The following HERC1 variants were observed in gnomAD, a reference collection of about 807,000 sequenced individuals.
HERC1 encodes the protein HECT and RLD domain containing E3 ubiquitin protein ligase family member 1.
Under a neutral mutation model 554.3 loss-of-function variants are expected in HERC1, and 160 were observed. The observed-to-expected ratio is 0.29, with a 90% CI of 0.25 to 0.33. HERC1 has a LOEUF of 0.33. Ranked by LOEUF, HERC1 falls within the 10% of genes least tolerant of loss-of-function variation. The probability of loss-of-function intolerance (pLI) is 1.00; values close to 1 mark genes in which losing one functional copy is unlikely to be tolerated. For synonymous variants in HERC1, 2,175 were observed against 2,131.7 expected, an observed-to-expected ratio of 1.02 and a Z score of -0.56; for missense variants, 4,919 against 5,918.5, an observed-to-expected ratio of 0.83 and a Z score of 5.54.
intron 60 of HERC1, among the ~76,000 whole-genome samples, chr15:63,640,883 C>T (rs1390826600): frequency 3.9e-5 from 6 of 152,164 alleles, no homozygotes; most frequent in Non-Finnish European, 8.8e-5. Context: ...CTGCTCTTCT[C>T]ACTTTCCTCC....
rs2071098411 is a variant in HERC1, at chr15:63,674,480, T to C, written c.7708A>G (p.Met2570Val). 1.2e-6 allele frequency: 2 copies of C among 1,613,902 alleles called. No individual in the cohort carries two copies. The highest frequency in any genetic ancestry group is 1.7e-6 in the Non-Finnish European group (2 of 1,179,856). The change falls in exon 38 of 78, where the codon ATG becomes GTG. Residue 2570 changes from methionine to valine, a missense_variant. This residue lies in a region of HERC1 where 1,963 missense variants were observed against 2,228.6 expected (regional missense o/e 0.88). Transcript: ENST00000443617. ...RAALQFLMRH[M>V]VKRAVMRSPI... ...GACCGCATGACTGCTCGCTTCACCA[T>C]GTGTCGCATCAAGAACTGCAGGGCT...
At chr15:63,670,986 G>A (rs970872770) in intron 39 of HERC1, among the ~76,000 whole-genome samples, 2 of 152,048 alleles carry the variant, frequency 1.3e-5, no homozygotes, top group African/African-American at 4.8e-5. Context: ...CAGATCCCCT[G>A]AGGTTGGGAG....
intron 68 of HERC1, 70 bp from the exon 69 acceptor site, chr15:63,630,705 G>A (rs766995286): frequency 1.4e-6 from 2 of 1,471,266 alleles, no homozygotes; most frequent in Non-Finnish European, 1.8e-6. Flanking sequence ...TATATTTTCT[G>A]ATCAGTCATT....
At chr15:63,659,367 T>C (rs1206762763) in intron 47 of HERC1, among the ~76,000 whole-genome samples, 1 of 152,162 alleles carries the variant, frequency 6.6e-6, no homozygotes, top group African/African-American at 2.4e-5. Flanking sequence ...TTTTTCTGCC[T>C]CAGCCTCCTG....
chr15:63,660,742 A>C (rs2070312779), intron 46 of HERC1, among the ~76,000 whole-genome samples: 1 of 152,210 alleles, frequency 6.6e-6, no homozygotes, highest in Non-Finnish European at 1.5e-5. Flanking sequence ...CACCTAATAG[A>C]AATTAATATT....
Position 63,634,824 on chromosome 15 carries a change from T to A in HERC1, c.12479A>T (p.Asn4160Ile), listed in dbSNP as rs756920435. 2 of 1,613,282 alleles carry A rather than the reference T, an allele frequency of 1.2e-6. No homozygotes were observed. The highest frequency in any genetic ancestry group is 3.3e-5 in the Admixed American group (2 of 59,968). Residue 4160 changes from asparagine (N) to isoleucine (I), a missense_variant, in exon 66 of 78, where the codon AAT becomes ATT. This residue lies in a region of HERC1 where 410 missense variants were observed against 467.0 expected (regional missense o/e 0.88). Transcript: ENST00000443617. ...AAGACCCAGACGACCATAGTCACCA[T>A]TCCCAAAGGTGAACAGTTTGCCATC... is the stretch of plus-strand genomic sequence containing the variant. ...TSDGKLFTFG[N>I]GDYGRLGLGN...
chr15:63,645,520 G>A lies in HERC1; in HGVS notation c.11041C>T (p.Pro3681Ser), dbSNP rs2069292706. 6.2e-7 allele frequency: 1 copy of A among 1,611,738 alleles called. No individual in the cohort carries two copies. The highest frequency in any genetic ancestry group is 1.1e-5 in the South Asian group (1 of 90,688). The change falls in exon 56 of 78, where the codon CCA becomes TCA. Residue 3681 changes from proline (P) to serine (S), a missense_variant. By Grantham distance (74) the Pro-to-Ser change is moderately conservative. Coordinates refer to ENST00000443617, the MANE Select transcript of HERC1 (RefSeq NM_003922.4). Reference protein sequence around the residue: ...IVNGIAWCRLPGKGSKLQLLM... With the variant: ...IVNGIAWCRLSGKGSKLQLLM... ...AACTGCAACTTGGATCCTTTCCCTG[G>A]AAGGCGGCACCAAGCAATGCCATTT...
At chr15:63,690,028 G>A (rs1196223947) in intron 32 of HERC1, among the ~76,000 whole-genome samples, 1 of 151,994 alleles carries the variant, frequency 6.6e-6, no homozygotes, top group Non-Finnish European at 1.5e-5. Context: ...GCCAGGCATG[G>A]TAGCATGTGC....
intron 1 of HERC1, among the ~76,000 whole-genome samples, chr15:63,810,936 T>G (rs1265200548): frequency 6.6e-6 from 1 of 152,076 alleles, no homozygotes; most frequent in Non-Finnish European, 1.5e-5. Flanking sequence ...CTTGAATATG[T>G]GATATTAAAG....
Position 63,655,615 on chromosome 15 carries a change from CTTCTT to C in HERC1, c.10084+122_10084+126del. The C allele has an allele frequency of 1.2e-5, 8 of 660,600 alleles. No homozygotes were observed. In the South Asian group the frequency reaches 1.8e-4, roughly 15 times the overall value. The allele number at this position is 660,600 out of a possible 1,614,324, so 40.9% of individuals were successfully genotyped here. A position where few individuals can be genotyped will look rare whatever the true frequency, so the allele number is the denominator to read the frequency against. ...TACACAGTGAAAAAGTATCTATGCA[CTTCTT>C]TTATGTTCTAAACTTAAGAAACTCA... On this transcript the variant is annotated intron_variant, in intron 50 of 77. Coordinates refer to ENST00000443617, the MANE Select transcript of HERC1 (RefSeq NM_003922.4).
At chr15:63,720,102 C>CTTTTTTTTTTTTTTTTTTTTTTTTTT in intron 19 of HERC1, among the ~76,000 whole-genome samples, 1 of 20,960 alleles carries the variant, frequency 4.8e-5, no homozygotes, top group Non-Finnish European at 1.4e-4. Flanking sequence ...CTTTTTCTTC[C>CTTTTTTTTTTTTTTTTTTTTTTTTTT]CTTTTTTTTT....
At position 63,666,386 on chromosome 15, in the gene HERC1, G is replaced by A. The variant is rs780612896; in HGVS notation, c.8293C>T (p.Arg2765Trp). ...VPLLEMGFSL[R>W]QIAKAMEATG... ...GCTTCCATGGCTTTGGCAATCTGCC[G>A]AAGAGAGAACCCCATTTCCAGCAAG... Residue 2765 changes from arginine (R) to tryptophan (W), a missense_variant, in exon 41 of 78, where the codon CGG becomes TGG. Arg to Trp is a moderately radical substitution (Grantham distance 101). Around this residue, in one of 11 missense-constraint regions of HERC1, gnomAD observed 1,963 missense variants for 2,228.6 expected, o/e 0.88. Coordinates refer to ENST00000443617, the MANE Select transcript of HERC1 (RefSeq NM_003922.4). 9 of 1,613,150 alleles carry A rather than the reference G, an allele frequency of 5.6e-6. No homozygotes were observed. The highest frequency in any genetic ancestry group is 4.0e-5 in the African/African-American group (3 of 74,866).
chr15:63,720,532 G>A (rs1025210760), intron 19 of HERC1, among the ~76,000 whole-genome samples: 1 of 152,118 alleles, frequency 6.6e-6, no homozygotes, highest in Non-Finnish European at 1.5e-5. Context: ...CATCTCCAGA[G>A]ATAAAAATGT....
chr15:63,704,229 C>T (rs902647505), intron 25 of HERC1, among the ~76,000 whole-genome samples: 1 of 152,184 alleles, frequency 6.6e-6, no homozygotes, highest in Non-Finnish European at 1.5e-5. Context: ...AAAATATAAT[C>T]TCCTAAATGT....
At chr15:63,714,641 C>G (rs1450988860) in intron 22 of HERC1, among the ~76,000 whole-genome samples, 2 of 150,662 alleles carry the variant, frequency 1.3e-5, no homozygotes, top group African/African-American at 4.9e-5. Flanking sequence ...CCTCCACCCC[C>G]AGGTTCAAGC....
At chr15:63,686,997 T>C (rs372516618) in intron 33 of HERC1, among the ~76,000 whole-genome samples, 2 of 152,108 alleles carry the variant, frequency 1.3e-5, no homozygotes, top group East Asian at 3.9e-4. Context: ...ACAAGCAGCA[T>C]GTAATGACTG....
At chr15:63,661,565 T>C (rs928588694) in intron 45 of HERC1, among the ~76,000 whole-genome samples, 188 bp downstream of exon 45, 1 of 152,222 alleles carries the variant, frequency 6.6e-6, no homozygotes, top group African/African-American at 2.4e-5. Flanking sequence ...GAAGGATATG[T>C]TGCTATGCCA....
intron 1 of HERC1, among the ~76,000 whole-genome samples, chr15:63,831,009 T>C (rs2078133720): frequency 6.6e-6 from 1 of 152,278 alleles, no homozygotes; most frequent in Non-Finnish European, 1.5e-5. Context: ...CAACTTTTTA[T>C]GTTTTCAACA....
intron 1 of HERC1, among the ~76,000 whole-genome samples, chr15:63,827,696 G>A (rs904751573): frequency 6.6e-6 from 1 of 152,078 alleles, no homozygotes; most frequent in African/African-American, 2.4e-5. Context: ...GTACATGAAT[G>A]TACAAAACAG....
Sources: allele counts gnomAD v4.1 joint callset (sites outside exome capture counted in the v4.1 genomes callset), GRCh38; gene constraint gnomAD v4.1.1; regional missense constraint gnomAD v4.1.1; transcripts MANE v1.5; gene names NCBI Gene and HGNC (gene_info 2026-07-23, HGNC 2026-07-21).